CACNA1E: variants seen among roughly 807,000 people sequenced by gnomAD.
CACNA1E encodes voltage-dependent R-type calcium channel subunit alpha-1E.
Under a neutral mutation model 259.2 loss-of-function variants are expected in CACNA1E, and 40 were observed. The ratio of observed to expected loss-of-function variants is 0.15; its 90% CI spans 0.12 to 0.20. CACNA1E has a LOEUF of 0.20. Among genes scored for constraint, CACNA1E ranks in the 10% least tolerant of loss-of-function variants. CACNA1E has a pLI of 1.00. For missense variants in CACNA1E, 1,874 were observed against 3,040.1 expected, an observed-to-expected ratio of 0.62 and a Z score of 9.02; for synonymous variants, 1,104 against 1,138.5, an observed-to-expected ratio of 0.97 and a Z score of 0.61.
chr1:181,711,479 C>T (rs993541812), intron 8 of CACNA1E, among the ~76,000 whole-genome samples: 3 of 152,218 alleles, frequency 2.0e-5, no homozygotes, highest in Non-Finnish European at 2.9e-5. Flanking sequence ...AAACAGTCAA[C>T]CAGCTCACCA....
chr1:181,796,047 G>C (rs1661778027), intron 46 of CACNA1E, among the ~76,000 whole-genome samples: 1 of 152,066 alleles, frequency 6.6e-6, no homozygotes, highest in Non-Finnish European at 1.5e-5. Flanking sequence ...GAGTTCCTGA[G>C]CCATATTGTT....
At chr1:181,588,892 T>G (rs1326892965) in intron 6 of CACNA1E, among the ~76,000 whole-genome samples, 8 of 152,224 alleles carry the variant, frequency 5.3e-5, no homozygotes, top group African/African-American at 1.9e-4. Context: ...CAGGTACTTT[T>G]CACTCTGGAA....
At chr1:181,416,368 T>G (rs1029533926) in intron 2 of CACNA1E, among the ~76,000 whole-genome samples, 15 of 152,226 alleles carry the variant, frequency 9.9e-5, no homozygotes, top group Non-Finnish European at 1.9e-4. Flanking sequence ...CTCAAGAATA[T>G]CTGTTAGTCA....
chr1:181,591,225 A>C (rs1229586166), intron 6 of CACNA1E, among the ~76,000 whole-genome samples: 1 of 152,234 alleles, frequency 6.6e-6, no homozygotes, highest in Non-Finnish European at 1.5e-5. Flanking sequence ...GAGACCTTGG[A>C]GTCAATCTCC....
In CACNA1E at chr1:181,733,705, G is replaced by A. The variant is rs373647895; in HGVS notation, c.3217G>A (p.Ala1073Thr). 1.1e-5 allele frequency: 18 copies of A among 1,589,660 alleles called. No homozygotes were observed. Among genetic ancestry groups the A allele is most frequent in the Admixed American group, 5.3e-5 (3 of 56,662 alleles). ...CACCGAGAGCACCAGCGTCACCGTC[G>A]CCATCCCCGACGTGGACCCCTTGGT... ...ATTESTSVTV[A>T]IPDVDPLVDS... is the part of the protein sequence containing the mutation. Residue 1073 changes from alanine to threonine, a missense_variant, in exon 21 of 48, where the codon GCC becomes ACC. Physicochemically the swap from Ala to Thr is moderately conservative, Grantham distance 58. Transcript: ENST00000367573.
At chr1:181,391,622 C>G (rs184913908) in intron 1 of CACNA1E, among the ~76,000 whole-genome samples, 1 of 152,152 alleles carries the variant, frequency 6.6e-6, no homozygotes, top group Non-Finnish European at 1.5e-5. Flanking sequence ...GGGAAATACT[C>G]GGGCTCCTCT....
At chr1:181,572,292 T>A (rs547864853) in intron 3 of CACNA1E, among the ~76,000 whole-genome samples, 1 of 152,230 alleles carries the variant, frequency 6.6e-6, no homozygotes, top group Non-Finnish European at 1.5e-5. Flanking sequence ...GAGCATTGCC[T>A]CTGTCTTCTG....
At chr1:181,633,358 AG>A (rs1656920876) in intron 6 of CACNA1E, among the ~76,000 whole-genome samples, 1 of 152,104 alleles carries the variant, frequency 6.6e-6, no homozygotes, top group Non-Finnish European at 1.5e-5. Flanking sequence ...AGCTTGAGCG[AG>A]TGTTTTAGCT....
rs187879042 is a variant in CACNA1E at position 181,484,657 on chromosome 1, G to A, written c.266+647G>A. On this transcript the variant is annotated intron_variant, in intron 1 of 47. Coordinates refer to ENST00000367573, the MANE Select transcript of CACNA1E (RefSeq NM_001205293.3). ...GTGATCTCTGTTGCCACAGCCCAAG[G>A]AGCTCAAACTTGGAGTTCTCCTCTC... Among the ~76,000 whole-genome samples, 267 of 152,290 alleles carry A rather than the reference G, an allele frequency of 1.8e-3. 2 individuals carry two copies. Among genetic ancestry groups the A allele is most frequent in the African/African-American group, 4.5e-3 (188 of 41,560 alleles).
intron 7 of CACNA1E, among the ~76,000 whole-genome samples, chr1:181,676,979 G>T (rs1649440376): frequency 6.6e-6 from 1 of 152,036 alleles, no homozygotes; most frequent in Non-Finnish European, 1.5e-5. Flanking sequence ...CATTCCTCCT[G>T]AACTGTAATA....
intron 7 of CACNA1E, among the ~76,000 whole-genome samples, chr1:181,687,242 T>C (rs1650674660): frequency 6.6e-6 from 1 of 152,190 alleles, no homozygotes; most frequent in African/African-American, 2.4e-5. Flanking sequence ...AAAAGTCTTC[T>C]ATTGGGATTT....
chr1:181,738,366 G>C lies in CACNA1E; in HGVS notation c.3553-1G>C. The C allele has an allele frequency of 6.2e-7, 1 of 1,613,392 alleles. No homozygotes were observed. Reference sequence around the variant, plus strand: ...TTCCTTCCACCATATGTGTCTTTCAGGTCCTGAGGTATTTTGACTATGTGT... The same window carrying C: ...TTCCTTCCACCATATGTGTCTTTCACGTCCTGAGGTATTTTGACTATGTGT... On this transcript the variant is annotated splice_acceptor_variant, in intron 23 of 47. Transcript: ENST00000367573. LOFTEE classifies it high-confidence loss of function.
At chr1:181,590,366 G>T (rs1300480525) in intron 6 of CACNA1E, among the ~76,000 whole-genome samples, 1 of 145,802 alleles carries the variant, frequency 6.9e-6, no homozygotes, top group African/African-American at 2.6e-5. Flanking sequence ...AGGATTTTGT[G>T]CACTGATGAG....
intron 7 of CACNA1E, among the ~76,000 whole-genome samples, chr1:181,686,609 G>A (rs1370468410): frequency 6.6e-6 from 1 of 152,082 alleles, no homozygotes; most frequent in African/African-American, 2.4e-5. Flanking sequence ...TTTAAGGGAT[G>A]GCTTCACGTC....
chr1:181,717,507 T>C (rs1654013397), intron 11 of CACNA1E, among the ~76,000 whole-genome samples: 1 of 152,182 alleles, frequency 6.6e-6, no homozygotes, highest in African/African-American at 2.4e-5. Flanking sequence ...AGATCATTGT[T>C]GATGAATCAA....
At chr1:181,415,535 C>T (rs187480630) in intron 2 of CACNA1E, among the ~76,000 whole-genome samples, 6 of 151,900 alleles carry the variant, frequency 3.9e-5, no homozygotes, top group African/African-American at 1.4e-4. Context: ...GGTATAGGGA[C>T]AAAGAAGTAA....
chr1:181,771,934 G>A (rs530290315), intron 36 of CACNA1E, 132 bp from the exon 37 acceptor site: 2 of 743,964 alleles, frequency 2.7e-6, no homozygotes, highest in East Asian at 2.7e-5. Context: ...GCACTAGAAG[G>A]GGTCAACTGG....
At chr1:181,436,608 C>T (rs1201607525) in intron 2 of CACNA1E, among the ~76,000 whole-genome samples, 2 of 152,036 alleles carry the variant, frequency 1.3e-5, no homozygotes, top group Admixed American at 6.6e-5. Flanking sequence ...AAACAGGCAC[C>T]GAAATGCCAA....
intron 9 of CACNA1E, 27 bp downstream of exon 9, chr1:181,715,418 C>G (rs765802112): frequency 2.1e-6 from 3 of 1,430,148 alleles, no homozygotes; most frequent in South Asian, 2.4e-5. Context: ...ATGCCTTATT[C>G]CAGTTGCATT....
Sources: gnomAD v4.1 joint callset for allele counts (sites outside exome capture counted in the v4.1 genomes callset) on GRCh38, gnomAD v4.1.1 for gene constraint, MANE v1.5 for transcripts, NCBI Gene and HGNC (gene_info 2026-07-23, HGNC 2026-07-21) for gene names.